Variants in MTERF4 observed in about 807,000 individuals in gnomAD.
MTERF4 encodes mitochondrial transcription termination factor 4.
A neutral mutation model predicts 22.5 loss-of-function variants in MTERF4; 17 were observed. The ratio of observed to expected loss-of-function variants is 0.75; its 90% CI spans 0.52 to 1.13. The LOEUF is 1.13. Ranked by LOEUF, MTERF4 falls within the 50% of genes most tolerant of loss-of-function variation. The pLI is 0.00. For synonymous variants in MTERF4, 165 were observed against 175.3 expected, an observed-to-expected ratio of 0.94 and a Z score of 0.47; for missense variants, 420 against 466.8, an observed-to-expected ratio of 0.90 and a Z score of 0.92.
the MTERF4 span, chr2:241,062,864 C>T: frequency 6.2e-7 from 1 of 1,610,494 alleles, no homozygotes. Context: ...GGTACCTGTG[C>T]CTCTGCAGCA....
At chr2:241,063,660 C>T in the MTERF4 span, 4 of 1,612,128 alleles carry the variant, frequency 2.5e-6, no homozygotes, top group Non-Finnish European at 3.4e-6. Flanking sequence ...CCTATGTCTG[C>T]CGGTGCCCTG....
At chr2:241,082,498 C>T (rs1184830307), downstream of MTERF4, 3 of 634,752 alleles carry the variant, frequency 4.7e-6, no homozygotes, top group East Asian at 2.6e-5. Context: ...TTGCTTTGAC[C>T]ATCGATTCCC....
chr2:241,062,955 T>G, the MTERF4 span: 2 of 1,210,206 alleles, frequency 1.7e-6, no homozygotes, highest in African/African-American at 1.5e-5. Flanking sequence ...ACACTGGCCA[T>G]GTGCCTGAGG....
intron 2 of MTERF4, among the ~76,000 whole-genome samples, chr2:241,098,540 G>A (rs569840189): frequency 6.6e-6 from 1 of 152,316 alleles, no homozygotes; most frequent in East Asian, 1.9e-4. Context: ...TCCTTGAGAT[G>A]TGAATATTGT....
At chr2:241,053,828 G>A in the MTERF4 span, among the ~76,000 whole-genome samples, 1 of 152,190 alleles carries the variant, frequency 6.6e-6, no homozygotes, top group African/African-American at 2.4e-5. Flanking sequence ...CTAGAGACAA[G>A]GCTCCCTCTG....
intron 1 of MTERF4, chr2:241,102,045 T>C (rs1051823243): frequency 6.4e-5 from 33 of 518,208 alleles, no homozygotes; most frequent in Non-Finnish European, 1.0e-4. Flanking sequence ...GAGCGAGACT[T>C]TGTCTCAAAA....
At chr2:241,092,738 A>C (rs1174843034), downstream of MTERF4, 1 of 152,278 alleles carries the variant, frequency 6.6e-6, no homozygotes, top group East Asian at 1.9e-4. The surrounding 1 kb of genome is among the most constrained non-coding windows in gnomAD (Gnocchi z 4.6). Context: ...GTTTTAGGCT[A>C]TCAGGTAGTA....
At chr2:241,068,481 C>A (rs1033377341), downstream of MTERF4, among the ~76,000 whole-genome samples, 1 of 151,986 alleles carries the variant, frequency 6.6e-6, no homozygotes, top group Non-Finnish European at 1.5e-5. The surrounding 1 kb of genome is among the most constrained non-coding windows in gnomAD (Gnocchi z 5.3). Context: ...GATCGGAGAG[C>A]GAGTGGGAAG....
the MTERF4 span, among the ~76,000 whole-genome samples, chr2:241,044,833 C>T: frequency 1.3e-5 from 2 of 152,088 alleles, no homozygotes; most frequent in Non-Finnish European, 2.9e-5. Context: ...TGGTCCCAGC[C>T]ATGAATGCCA....
downstream of MTERF4, among the ~76,000 whole-genome samples, chr2:241,068,259 C>G (rs2062546864): frequency 6.6e-6 from 1 of 151,892 alleles, no homozygotes; most frequent in Admixed American, 6.5e-5. This position sits in a 1 kb window ranked among gnomAD's most constrained non-coding sequence, Gnocchi z 5.3. Flanking sequence ...CTTGGCCCCT[C>G]AGAGAGCAGC....
the MTERF4 span, chr2:241,063,036 C>G: frequency 1.6e-6 from 1 of 610,702 alleles, no homozygotes; most frequent in Non-Finnish European, 2.9e-6. Context: ...CGGGCCCCTG[C>G]CAGCTCTGAC....
chr2:241,044,790 G>C, the MTERF4 span, among the ~76,000 whole-genome samples: 9 of 152,106 alleles, frequency 5.9e-5, no homozygotes, highest in Non-Finnish European at 7.4e-5. Flanking sequence ...TCCCTTTCCT[G>C]TTGTTTTTCC....
downstream of MTERF4, among the ~76,000 whole-genome samples, chr2:241,083,289 G>T (rs1345438865): frequency 6.6e-6 from 1 of 152,168 alleles, no homozygotes; most frequent in African/African-American, 2.4e-5. Context: ...AGTGTCCCTG[G>T]CATGTTGGGG....
chr2:241,076,813 C>T (rs998689281), intron 4 of MTERF4, among the ~76,000 whole-genome samples: 3 of 151,718 alleles, frequency 2.0e-5, no homozygotes, highest in Non-Finnish European at 2.9e-5. Context: ...AGTCCAGGGC[C>T]GGGCGCAGTG....
At chr2:241,059,871 G>A in the MTERF4 span, among the ~76,000 whole-genome samples, 9 of 152,212 alleles carry the variant, frequency 5.9e-5, no homozygotes, top group South Asian at 2.1e-4. Context: ...CATTCAGTAC[G>A]TATTCCCAGC....
At chr2:241,070,887 C>T (rs1416496467), downstream of MTERF4, among the ~76,000 whole-genome samples, 1 of 152,192 alleles carries the variant, frequency 6.6e-6, no homozygotes, top group Non-Finnish European at 1.5e-5. Context: ...GTGCGCGGCT[C>T]CCCAGGGAAG....
the MTERF4 span, chr2:241,053,348 G>T: frequency 2.6e-6 from 4 of 1,540,152 alleles, no homozygotes; most frequent in Admixed American, 1.8e-5. Context: ...GGCCCTTGGG[G>T]TGGGGCAGGT....
At chr2:241,079,556 G>A (rs961161642) in intron 4 of MTERF4, among the ~76,000 whole-genome samples, 2 of 152,148 alleles carry the variant, frequency 1.3e-5, no homozygotes, top group East Asian at 3.9e-4. Context: ...AATGAGGAGG[G>A]AAAGAACTGC....
chr2:241,065,244 T>C, the MTERF4 span: 2 of 1,587,640 alleles, frequency 1.3e-6, no homozygotes, highest in Middle Eastern at 1.7e-4. Context: ...GAGCCAGGCA[T>C]GCATAGCTAA....
Sources: allele counts gnomAD v4.1 joint callset (sites outside exome capture counted in the v4.1 genomes callset), GRCh38; gene constraint gnomAD v4.1.1; non-coding constraint Gnocchi (gnomAD v3.1); transcripts MANE v1.5; gene names NCBI Gene and HGNC (gene_info 2026-07-23, HGNC 2026-07-21).